Variants in NLN observed in about 807,000 individuals in gnomAD.
NLN encodes neurolysin, mitochondrial.
A neutral mutation model predicts 79.9 loss-of-function variants in NLN; 64 were observed. The ratio of observed to expected loss-of-function variants is 0.80; its 90% CI spans 0.65 to 0.99. The LOEUF is 0.99. Among genes scored for constraint, NLN ranks in the 50% least tolerant of loss-of-function variants. The pLI is 0.00. For missense variants in NLN, 835 were observed against 858.7 expected, an observed-to-expected ratio of 0.97 and a Z score of 0.34; for synonymous variants, 267 against 296.6, an observed-to-expected ratio of 0.90 and a Z score of 1.02.
At chr5:65,798,490 A>G (rs754304763) in intron 9 of NLN, among the ~76,000 whole-genome samples, 8 of 152,162 alleles carry the variant, frequency 5.3e-5, no homozygotes, top group Non-Finnish European at 8.8e-5. Flanking sequence ...GAATGCATTT[A>G]TTTATTTCTA....
intron 1 of NLN, among the ~76,000 whole-genome samples, chr5:65,726,395 A>G (rs1357404645): frequency 6.6e-6 from 1 of 152,248 alleles, no homozygotes; most frequent in East Asian, 1.9e-4. Context: ...AGCTACTAGT[A>G]TAGTTTGGTG....
At chr5:65,774,631 G>T (rs1327958274) in intron 3 of NLN, among the ~76,000 whole-genome samples, 1 of 151,612 alleles carries the variant, frequency 6.6e-6, no homozygotes, top group Non-Finnish European at 1.5e-5. Context: ...AGGAGTGTCT[G>T]GTTATAATAG....
chr5:65,796,282 ATTC>A (rs2150766522), intron 9 of NLN, among the ~76,000 whole-genome samples: 1 of 152,354 alleles, frequency 6.6e-6, no homozygotes, highest in Non-Finnish European at 1.5e-5. Context: ...CTTACCATGT[ATTC>A]CATCAGTTCT....
At chr5:65,760,343 A>G (rs774932512) in intron 2 of NLN, among the ~76,000 whole-genome samples, 5 of 152,214 alleles carry the variant, frequency 3.3e-5, no homozygotes, top group Non-Finnish European at 7.3e-5. Context: ...ACTCGTGAAT[A>G]AAAAGATCTG....
At chr5:65,817,384 A>G (rs1440432834) in intron 12 of NLN, among the ~76,000 whole-genome samples, 2 of 152,146 alleles carry the variant, frequency 1.3e-5, no homozygotes, top group Non-Finnish European at 2.9e-5. Flanking sequence ...ACTGCTTGGG[A>G]TTAATGCTTT....
At chr5:65,781,761 C>G (rs911209246) in intron 6 of NLN, among the ~76,000 whole-genome samples, 3 of 152,172 alleles carry the variant, frequency 2.0e-5, no homozygotes, top group African/African-American at 7.2e-5. Flanking sequence ...AGTCATCTAG[C>G]CAGTTCTACC....
chr5:65,738,952 T>TTATA (rs1491454998), intron 1 of NLN, among the ~76,000 whole-genome samples: 4,708 of 74,494 alleles, frequency 0.063, 486 homozygotes, highest in Non-Finnish European at 0.074. Flanking sequence ...TATATATGTT[T>TTATA]ATATATATGT....
chr5:65,781,992 C>T (rs568243952), intron 6 of NLN, among the ~76,000 whole-genome samples: 1 of 152,312 alleles, frequency 6.6e-6, no homozygotes, highest in East Asian at 1.9e-4. Flanking sequence ...CCAACACTCC[C>T]AGTGATGGCA....
chr5:65,828,365 C>G lies in NLN; in HGVS notation c.*5450C>G, dbSNP rs1429864175. ...TATCACATTTTAAGCAGACTTTGGC[C>G]AAGTAGTACAGTGTTTGCAGGAGCA... On this transcript the variant is annotated 3_prime_UTR_variant, in exon 13 of 13. Transcript: ENST00000380985. 1 of 152,062 alleles carries G rather than the reference C, an allele frequency of 6.6e-6. No individual in the cohort carries two copies. The highest frequency in any genetic ancestry group is 1.5e-5 in the Non-Finnish European group (1 of 68,030). 9.4% of individuals were successfully genotyped at this position (152,062 alleles called of 1,614,324 possible). A position where few individuals can be genotyped will look rare whatever the true frequency, so the allele number is the denominator to read the frequency against.
At chr5:65,769,741 A>G (rs1417718435) in intron 3 of NLN, among the ~76,000 whole-genome samples, 3 of 152,304 alleles carry the variant, frequency 2.0e-5, no homozygotes, top group Non-Finnish European at 4.4e-5. Flanking sequence ...TTTTTATAAT[A>G]TAAGTGGAGA....
chr5:65,726,123 A>AG (rs1758464179), intron 1 of NLN, among the ~76,000 whole-genome samples: 1 of 152,124 alleles, frequency 6.6e-6, no homozygotes, highest in Non-Finnish European at 1.5e-5. Context: ...AAAAAAAAAA[A>AG]AAAAAAATGG....
At chr5:65,730,179 A>G (rs974471276) in intron 1 of NLN, among the ~76,000 whole-genome samples, 1 of 152,224 alleles carries the variant, frequency 6.6e-6, no homozygotes, top group African/African-American at 2.4e-5. Context: ...AGAGACAACT[A>G]AGGAAAATAT....
chr5:65,753,532 C>G (rs560480512), intron 1 of NLN, among the ~76,000 whole-genome samples: 1 of 151,930 alleles, frequency 6.6e-6, no homozygotes, highest in Non-Finnish European at 1.5e-5. Context: ...AGCTTGTAAT[C>G]CCAGCTCCTC....
intron 3 of NLN, among the ~76,000 whole-genome samples, chr5:65,767,154 T>C (rs1161592531): frequency 1.3e-5 from 2 of 152,212 alleles, no homozygotes; most frequent in African/African-American, 4.8e-5. Context: ...GGGACTCTGT[T>C]TGGGGGCTCC....
At chr5:65,799,917 T>TAA (rs34116295) in intron 9 of NLN, among the ~76,000 whole-genome samples, 15 of 150,268 alleles carry the variant, frequency 1.0e-4, no homozygotes, top group Admixed American at 2.0e-4. Flanking sequence ...GTGGTCACTT[T>TAA]AAAAAAAAAA....
In NLN at chr5:65,810,057, A is replaced by T; in HGVS notation, c.1735A>T (p.Ile579Phe). ...VNTGLLTLRQ[I>F]VLSKVDQSLH... is the part of the protein sequence containing the mutation. The stretch of plus-strand genomic sequence containing the variant: ...ATTAGGTCTTCTGACCCTGCGCCAG[A>T]TTGTTTTGAGCAAAGTTGATCAGTC... Residue 579 changes from isoleucine to phenylalanine, a missense_variant, in exon 11 of 13, where the codon ATT becomes TTT. Transcript: ENST00000380985. 6.2e-7 allele frequency: 1 copy of T among 1,614,086 alleles called. No individual in the cohort carries two copies. The highest frequency in any genetic ancestry group is 8.5e-7 in the Non-Finnish European group (1 of 1,179,990).
chr5:65,797,570 A>G (rs2150767197), intron 9 of NLN, among the ~76,000 whole-genome samples: 5 of 152,302 alleles, frequency 3.3e-5, no homozygotes, highest in Admixed American at 3.3e-4. Flanking sequence ...AACTCTTTGA[A>G]CCATCTCATT....
At chr5:65,814,983 A>T (rs1177491050) in intron 12 of NLN, among the ~76,000 whole-genome samples, 1 of 152,116 alleles carries the variant, frequency 6.6e-6, no homozygotes, top group Non-Finnish European at 1.5e-5. Context: ...GTGATTATTA[A>T]TTTTTTCTGT....
chr5:65,750,449 T>C (rs1759080523), intron 1 of NLN, among the ~76,000 whole-genome samples: 1 of 152,256 alleles, frequency 6.6e-6, no homozygotes, highest in Admixed American at 6.5e-5. Flanking sequence ...CCTGGCACGA[T>C]GGCCCATGCC....
Sources: allele counts gnomAD v4.1 joint callset (sites outside exome capture counted in the v4.1 genomes callset), GRCh38; gene constraint gnomAD v4.1.1; transcripts MANE v1.5; gene names NCBI Gene and HGNC (gene_info 2026-07-23, HGNC 2026-07-21).